The following ATXN10 variants were observed in gnomAD, a reference collection of about 807,000 sequenced individuals.
ATXN10 encodes the protein ataxin 10.
A neutral mutation model predicts 52.9 loss-of-function variants in ATXN10; 28 were observed. The observed-to-expected ratio is 0.53, with a 90% CI of 0.39 to 0.73. The LOEUF is 0.73. ATXN10 is among the 30% of genes least tolerant of loss of function. ATXN10 has a pLI of 0.00. For missense variants in ATXN10, 565 were observed against 577.0 expected (o/e 0.98, Z 0.21); for synonymous variants, 226 against 221.5 (o/e 1.02, Z -0.18).
chr22:45,796,572 C>G (rs142612363), intron 9 of ATXN10, among the ~76,000 whole-genome samples: 24 of 152,330 alleles, frequency 1.6e-4, no homozygotes, highest in African/African-American at 5.5e-4. Flanking sequence ...AGAGACCCAG[C>G]TGTAAAATTT....
rs9614778 is a variant in ATXN10 at position 45,777,039 on chromosome 22, A to G, written c.1174-29920A>G. Among the ~76,000 whole-genome samples the G allele has an allele frequency of 8.7e-3, 1,321 of 152,362 alleles. 10 individuals carry two copies. Among genetic ancestry groups the G allele is most frequent in the Non-Finnish European group, 0.013 (914 of 68,036 alleles). On this transcript the variant is annotated intron_variant, in intron 9 of 11. Coordinates refer to ENST00000252934, the MANE Select transcript of ATXN10 (RefSeq NM_013236.4). ...TGAACTTGAATGACTTTATGTATGC[A>G]TGAGCATTAATTTTAAATAAACCAG...
rs1197987709 is a variant in ATXN10 at position 45,688,310 on chromosome 22, A to G, written c.117-1402A>G. Reference sequence around the variant, plus strand: ...CAGTTTCCCAGTTTTTAATTAATTTATACTCTGCCTCTTTCAAAACCAAGT... The same window carrying G: ...CAGTTTCCCAGTTTTTAATTAATTTGTACTCTGCCTCTTTCAAAACCAAGT... On this transcript the variant is annotated intron_variant, in intron 1 of 11. Transcript: ENST00000252934. This position sits in a 1 kb window ranked among gnomAD's most constrained non-coding sequence, Gnocchi z 4.0. Among the ~76,000 whole-genome samples the G allele has an allele frequency of 6.6e-6, 1 of 152,154 alleles. No homozygotes were observed. The highest frequency in any genetic ancestry group is 1.5e-5 in the Non-Finnish European group (1 of 68,028).
At chr22:45,702,362 C>T (rs780811141) in intron 4 of ATXN10, among the ~76,000 whole-genome samples, 7 of 152,252 alleles carry the variant, frequency 4.6e-5, no homozygotes, top group Non-Finnish European at 1.0e-4. Context: ...CATTTTGTAC[C>T]TGTCGATTTT....
At chr22:45,782,041 A>G (rs1325541187) in intron 9 of ATXN10, among the ~76,000 whole-genome samples, 5 of 152,364 alleles carry the variant, frequency 3.3e-5, no homozygotes, top group East Asian at 1.9e-4. Flanking sequence ...GGCAAAAACC[A>G]TAAACCTACA....
Position 45,708,683 on chromosome 22 carries a change from A to G in ATXN10, c.647+5836A>G, listed in dbSNP as rs1924130375. On this transcript the variant is annotated intron_variant, in intron 5 of 11. Transcript: ENST00000252934. This position sits in a 1 kb window ranked among gnomAD's most constrained non-coding sequence, Gnocchi z 5.3. ...GAGACAGAGTCTCACTCTGTTGCCC[A>G]GGCTGGAGTGCAGTGGTGTGATCTT... Among the ~76,000 whole-genome samples, 1 of 152,148 alleles carries G rather than the reference A, an allele frequency of 6.6e-6. No individual in the cohort carries two copies. The highest frequency in any genetic ancestry group is 1.5e-5 in the Non-Finnish European group (1 of 68,034).
rs368936845 is a variant in ATXN10, at chr22:45,834,958, T to A, written c.1238-8033T>A. 7.9e-5 allele frequency among the ~76,000 whole-genome samples: 12 copies of A among 152,344 alleles called. No homozygotes were observed. In the South Asian group the frequency reaches 2.1e-3, roughly 26 times the overall value. ...TGGTTTAAGTTAGAAGTGGTATTGGTTGTTTCTGACCCTGAAACCTGTGTG... is the reference window on the plus strand; with the variant it reads ...TGGTTTAAGTTAGAAGTGGTATTGGATGTTTCTGACCCTGAAACCTGTGTG... On this transcript the variant is annotated intron_variant, in intron 10 of 11. Coordinates refer to ENST00000252934, the MANE Select transcript of ATXN10 (RefSeq NM_013236.4).
At chr22:45,734,845 C>T (rs914446313) in intron 7 of ATXN10, among the ~76,000 whole-genome samples, 5 of 145,976 alleles carry the variant, frequency 3.4e-5, no homozygotes, top group African/African-American at 1.3e-4. Flanking sequence ...CCTCTCTCTG[C>T]CCTTCTTTTT....
chr22:45,785,959 CT>C (rs1313831454), intron 9 of ATXN10, among the ~76,000 whole-genome samples: 3 of 152,188 alleles, frequency 2.0e-5, no homozygotes, highest in Non-Finnish European at 4.4e-5. Context: ...AATTTTGTAG[CT>C]ATGCAGTGAT....
At chr22:45,699,743 C>G (rs1049136781) in intron 3 of ATXN10, among the ~76,000 whole-genome samples, 2 of 151,782 alleles carry the variant, frequency 1.3e-5, no homozygotes, top group African/African-American at 4.8e-5. Context: ...CCGCACCCCC[C>G]TCGTCTTCCC....
chr22:45,783,427 CT>C lies in ATXN10; in HGVS notation c.1174-23528del, dbSNP rs1413169412. ...TTGAATGAGGGTACAACTCTCTGTT[CT>C]TTTCTGAAGCACCAGTCTCTGTAAA... On this transcript the variant is annotated intron_variant, in intron 9 of 11. Coordinates refer to ENST00000252934, the MANE Select transcript of ATXN10 (RefSeq NM_013236.4). The surrounding 1 kb of genome is among the most constrained non-coding windows in gnomAD (Gnocchi z 5.0). Among the ~76,000 whole-genome samples, 13 of 152,350 alleles carry C rather than the reference CT, an allele frequency of 8.5e-5. No individual in the cohort carries two copies. Among genetic ancestry groups the C allele is most frequent in the African/African-American group, 3.1e-4 (13 of 41,584 alleles).
intron 9 of ATXN10, 30 bp downstream of exon 9, chr22:45,740,568 A>T: frequency 8.1e-6 from 13 of 1,600,516 alleles, no homozygotes; most frequent in Non-Finnish European, 1.1e-5. Flanking sequence ...TGTATTATAC[A>T]TGTATGGCTT....
At chr22:45,797,021 C>T (rs1342777461) in intron 9 of ATXN10, among the ~76,000 whole-genome samples, 6 of 152,142 alleles carry the variant, frequency 3.9e-5, no homozygotes, top group Non-Finnish European at 5.9e-5. Context: ...AGGGTCAGTT[C>T]ATCAAGAAGA....
At chr22:45,778,624 A>G (rs1477025887) in intron 9 of ATXN10, among the ~76,000 whole-genome samples, 1 of 152,212 alleles carries the variant, frequency 6.6e-6, no homozygotes, top group Admixed American at 6.5e-5. Flanking sequence ...TTGGGCATAT[A>G]TCTGGTACAA....
Position 45,754,310 on chromosome 22 carries a change from G to C in ATXN10, c.1173+13772G>C, listed in dbSNP as rs546260511. 6.6e-6 allele frequency among the ~76,000 whole-genome samples: 1 copy of C among 152,342 alleles called. No homozygotes were observed. Among genetic ancestry groups the C allele is most frequent in the African/African-American group, 2.4e-5 (1 of 41,584 alleles). On this transcript the variant is annotated intron_variant, in intron 9 of 11. Transcript: ENST00000252934. The surrounding 1 kb of genome is among the most constrained non-coding windows in gnomAD (Gnocchi z 5.4). ...AACACCTCACATGTTGACTTAACTT[G>C]TGAGTCTCCCTTTCTTCATCTGTAA... is the stretch of plus-strand genomic sequence containing the variant.
At chr22:45,751,740 G>GAAAAAAAAAAAAAAAAAAA (rs200364242) in intron 9 of ATXN10, among the ~76,000 whole-genome samples, 4 of 45,458 alleles carry the variant, frequency 8.8e-5, no homozygotes, top group Admixed American at 2.5e-4. Context: ...CCTTTTTCTG[G>GAAAAAAAAAAAAAAAAAAA]AAAAAAAAAA....
chr22:45,799,196 G>C (rs61230958), intron 9 of ATXN10, among the ~76,000 whole-genome samples: 13,254 of 151,964 alleles, frequency 0.087, 744 homozygotes, highest in Middle Eastern at 0.15. Flanking sequence ...TCAGCCTCCC[G>C]AGTAGTTGGG....
rs974795150 is a variant in ATXN10, at chr22:45,769,958, G to A, written c.1173+29420G>A. Among the ~76,000 whole-genome samples, 6 of 152,342 alleles carry A rather than the reference G, an allele frequency of 3.9e-5. No individual in the cohort carries two copies. Among genetic ancestry groups the A allele is most frequent in the African/African-American group, 1.4e-4 (6 of 41,570 alleles). ...AGTATTTTGTCACTCTATAAATACA[G>A]TTCTAAATAAAGGTTCTCAGATGCA... On this transcript the variant is annotated intron_variant, in intron 9 of 11. Transcript: ENST00000252934. The surrounding 1 kb of genome is among the most constrained non-coding windows in gnomAD (Gnocchi z 4.2).
In ATXN10 at chr22:45,781,111, G is replaced by A. The variant is rs1044027917; in HGVS notation, c.1174-25848G>A. Among the ~76,000 whole-genome samples the A allele has an allele frequency of 6.6e-6, 1 of 152,200 alleles. No individual in the cohort carries two copies. The highest frequency in any genetic ancestry group is 6.5e-5 in the Admixed American group (1 of 15,276). On this transcript the variant is annotated intron_variant, in intron 9 of 11. Transcript: ENST00000252934. The surrounding 1 kb of genome is among the most constrained non-coding windows in gnomAD (Gnocchi z 4.2). ...AAGACAGAAAACTTTTAGACAGTAA[G>A]TGCCCTATTTCAGCCAAACACCACG... is the stretch of plus-strand genomic sequence containing the variant.
intron 1 of ATXN10, chr22:45,675,565 C>T (rs1265944437): frequency 6.6e-6 from 1 of 152,254 alleles, no homozygotes; most frequent in Non-Finnish European, 1.5e-5. Flanking sequence ...CATCCATATG[C>T]AGAGAGCTGT....
Sources: allele counts gnomAD v4.1 joint callset (sites outside exome capture counted in the v4.1 genomes callset), GRCh38; gene constraint gnomAD v4.1.1; non-coding constraint Gnocchi (gnomAD v3.1); transcripts MANE v1.5; gene names NCBI Gene and HGNC (gene_info 2026-07-23, HGNC 2026-07-21).